Variants in NUP98 observed in about 807,000 individuals in gnomAD.
NUP98 encodes nuclear pore complex protein Nup98-Nup96.
In NUP98, 26 loss-of-function variants were observed where a neutral mutation model predicts 191.9. That is an observed-to-expected ratio of 0.14 (90% CI 0.10 to 0.19). The LOEUF (loss-of-function observed/expected upper bound fraction) is 0.19, where lower values mean the gene tolerates loss of function less well. Among genes scored for constraint, NUP98 ranks in the 10% least tolerant of loss-of-function variants. The pLI is 1.00. For synonymous variants in NUP98, 808 were observed against 778.4 expected (o/e 1.04, Z -0.63); for missense variants, 1,941 against 2,178.8 (o/e 0.89, Z 2.17).
chr11:3,691,823 G>C (rs1348166840), intron 27 of NUP98, among the ~76,000 whole-genome samples: 1 of 152,038 alleles, frequency 6.6e-6, no homozygotes, highest in East Asian at 1.9e-4. Context: ...CAAAGTGCTG[G>C]GATTAGAGGT....
chr11:3,726,670 A>G (rs560804056), intron 14 of NUP98, among the ~76,000 whole-genome samples: 1 of 152,246 alleles, frequency 6.6e-6, no homozygotes, highest in East Asian at 1.9e-4. Context: ...ATAATCCTCT[A>G]ACTCTTAAAT....
intron 8 of NUP98, among the ~76,000 whole-genome samples, chr11:3,767,128 A>G (rs2081365281): frequency 6.6e-6 from 1 of 151,750 alleles, no homozygotes; most frequent in African/African-American, 2.4e-5. Context: ...CAGCCCAGCT[A>G]ATTTTTGTAT....
chr11:3,793,295 GTCT>G (rs1467833074), intron 1 of NUP98, among the ~76,000 whole-genome samples: 3 of 151,876 alleles, frequency 2.0e-5, no homozygotes, highest in African/African-American at 4.8e-5. Flanking sequence ...ACATTTAGAG[GTCT>G]TCTTTTTATG....
intron 30 of NUP98, 144 bp downstream of exon 30, chr11:3,683,056 T>C: frequency 8.4e-7 from 1 of 1,195,992 alleles, no homozygotes; most frequent in Middle Eastern, 2.8e-4. Context: ...AAGCCTCTTC[T>C]GCAGAGAGCT....
In NUP98 at chr11:3,719,702, G is replaced by A. The variant is rs1454539101; in HGVS notation, c.2261-152C>T. 6.7e-6 allele frequency: 3 copies of A among 449,062 alleles called. No homozygotes were observed. In the East Asian group the frequency reaches 1.1e-4, roughly 16 times the overall value. The allele number at this position is 449,062 out of a possible 1,614,324, so 27.8% of individuals were successfully genotyped here. ...CAATTCCTAGACTGGTAAGAATGGG[G>A]ACTTAGGGAGAGTAACTTCAATTAC... On this transcript the variant is annotated intron_variant, in intron 17 of 32. Transcript: ENST00000324932.
At chr11:3,734,657 G>T (rs1381514464) in intron 13 of NUP98, among the ~76,000 whole-genome samples, 1 of 152,202 alleles carries the variant, frequency 6.6e-6, no homozygotes, top group Non-Finnish European at 1.5e-5. Context: ...AGAGTTATAA[G>T]AGATTAAAGA....
chr11:3,752,546 T>TAAAA (rs944744688), intron 11 of NUP98, among the ~76,000 whole-genome samples: 6 of 142,226 alleles, frequency 4.2e-5, no homozygotes, highest in Middle Eastern at 3.4e-3. Context: ...AATAAATAAA[T>TAAAA]AAAAAAGAAG....
intron 14 of NUP98, among the ~76,000 whole-genome samples, chr11:3,728,453 G>T (rs1379029245): frequency 6.6e-6 from 1 of 152,156 alleles, no homozygotes; most frequent in Non-Finnish European, 1.5e-5. Flanking sequence ...CAGAAGAGTG[G>T]GGCTGGGTGC....
chr11:3,764,740 G>C (rs777743975), intron 8 of NUP98, among the ~76,000 whole-genome samples: 1 of 152,132 alleles, frequency 6.6e-6, no homozygotes, highest in African/African-American at 2.4e-5. Flanking sequence ...CACCATGCCC[G>C]GCTAATTTTT....
intron 1 of NUP98, among the ~76,000 whole-genome samples, chr11:3,787,525 G>T (rs558297429): frequency 1.3e-5 from 2 of 152,096 alleles, no homozygotes; most frequent in Non-Finnish European, 2.9e-5. Flanking sequence ...AGAGGTTGCA[G>T]TGAGCCAAGA....
chr11:3,708,742 G>C (rs1235928047), intron 20 of NUP98, among the ~76,000 whole-genome samples: 2 of 143,770 alleles, frequency 1.4e-5, no homozygotes, highest in Non-Finnish European at 3.0e-5. Flanking sequence ...AAAAAAAAAA[G>C]ATGGCTCAGA....
At chr11:3,718,172 T>G (rs1277606562) in intron 18 of NUP98, among the ~76,000 whole-genome samples, 1 of 152,218 alleles carries the variant, frequency 6.6e-6, no homozygotes, top group Non-Finnish European at 1.5e-5. Context: ...CTTAGTAGAA[T>G]TCACCAATGA....
intron 11 of NUP98, among the ~76,000 whole-genome samples, chr11:3,745,190 A>G (rs1354634025): frequency 1.3e-5 from 2 of 152,012 alleles, no homozygotes; most frequent in African/African-American, 4.8e-5. Context: ...AAAATTCAAT[A>G]CTTGCAAATC....
chr11:3,777,639 A>G (rs868047393), intron 4 of NUP98, among the ~76,000 whole-genome samples: 2 of 151,598 alleles, frequency 1.3e-5, no homozygotes, highest in Non-Finnish European at 2.9e-5. Flanking sequence ...AAAAAAAAAA[A>G]AAGAAGTTAT....
In NUP98 at chr11:3,693,306, T is replaced by G; in HGVS notation, c.4237A>C (p.Ile1413Leu). Residue 1413 changes from isoleucine (I) to leucine (L), a missense_variant, in exon 27 of 33, where the codon ATC becomes CTC. Transcript: ENST00000324932. ...SQLDWKRSLA[I>L]HLWYLLPPTA... The stretch of plus-strand genomic sequence containing the variant: ...GGTGGAAGCAAATACCAAAGATGGA[T>G]AGCCAGGGAGCGTTTCCAATCCAAC... The G allele has an allele frequency of 6.2e-7, 1 of 1,614,182 alleles. No homozygotes were observed.
chr11:3,701,421 T>C (rs2078674155), intron 23 of NUP98, among the ~76,000 whole-genome samples: 1 of 151,702 alleles, frequency 6.6e-6, no homozygotes, highest in Admixed American at 6.6e-5. Context: ...ACCACCACCC[T>C]GGGCTAATTT....
intron 18 of NUP98, among the ~76,000 whole-genome samples, chr11:3,715,399 T>C (rs1339466582): frequency 6.6e-6 from 1 of 151,420 alleles, no homozygotes; most frequent in Non-Finnish European, 1.5e-5. Flanking sequence ...TCCCAAAGTG[T>C]TGGGATTATA....
At chr11:3,765,744 T>C (rs2081316288) in intron 8 of NUP98, among the ~76,000 whole-genome samples, 1 of 147,662 alleles carries the variant, frequency 6.8e-6, no homozygotes, top group South Asian at 2.1e-4. Flanking sequence ...GAGGTTGCAG[T>C]GAGCCAAGAT....
In NUP98 at chr11:3,724,780, C is replaced by CAAAAAAAA. The variant is rs71041382; in HGVS notation, c.1847+315_1847+322dup. Among the ~76,000 whole-genome samples the CAAAAAAAA allele has an allele frequency of 3.5e-4, 28 of 80,170 alleles. 1 individual carries two copies. The highest frequency in any genetic ancestry group is 1.4e-3 in the East Asian group (4 of 2,794). The allele number at this position is 80,170 out of a possible 152,430, so 52.6% of individuals were successfully genotyped here. A position where few individuals can be genotyped will look rare whatever the true frequency, so the allele number is the denominator to read the frequency against. On this transcript the variant is annotated intron_variant, in intron 15 of 32. Coordinates refer to ENST00000324932, the MANE Select transcript of NUP98 (RefSeq NM_016320.5). ...TGGGCGACAGAGTGAGACTCTGTCT[C>CAAAAAAAA]AAAAAAAAAAAAGAAAGAAAATCAT...
Sources: gnomAD v4.1 joint callset for allele counts (sites outside exome capture counted in the v4.1 genomes callset) on GRCh38, gnomAD v4.1.1 for gene constraint, MANE v1.5 for transcripts, NCBI Gene and HGNC (gene_info 2026-07-23, HGNC 2026-07-21) for gene names.